The following UTS2 variants were observed in gnomAD, a reference collection of about 807,000 sequenced individuals.
The protein encoded by UTS2 is urotensin-2.
UTS2 carries 10 observed loss-of-function variants against 12.6 expected under a neutral mutation model. The observed-to-expected ratio is 0.80, with a 90% CI of 0.49 to 1.35. The LOEUF is 1.35. UTS2 is among the 40% of genes most tolerant of loss of function. The pLI, the probability that UTS2 is intolerant of heterozygous loss-of-function variation, is 0.00. For missense variants in UTS2, 142 were observed against 143.2 expected, an observed-to-expected ratio of 0.99 and a Z score of 0.04; for synonymous variants, 52 against 50.0, an observed-to-expected ratio of 1.04 and a Z score of -0.17.
the UTS2 span, among the ~76,000 whole-genome samples, chr1:7,907,099 C>CA: frequency 5.3e-5 from 8 of 151,786 alleles, no homozygotes; most frequent in East Asian, 3.9e-4. Flanking sequence ...ACCAAAAATA[C>CA]AAAAAAATTA....
At chr1:7,904,029 A>T in the UTS2 span, among the ~76,000 whole-genome samples, 1 of 152,188 alleles carries the variant, frequency 6.6e-6, no homozygotes, top group Non-Finnish European at 1.5e-5. Flanking sequence ...TTAGAATTTT[A>T]GGGTTTTGTG....
At chr1:7,878,590 A>G in the UTS2 span, among the ~76,000 whole-genome samples, 15 of 152,282 alleles carry the variant, frequency 9.9e-5, no homozygotes, top group African/African-American at 2.9e-4. Flanking sequence ...CCTAAAATGT[A>G]TAGAGCCATG....
upstream of UTS2, among the ~76,000 whole-genome samples, chr1:7,857,111 G>GGAAGGAAGGAAGGAAGGAA (rs1638329258): frequency 6.7e-6 from 1 of 149,440 alleles, no homozygotes; most frequent in South Asian, 2.2e-4. Context: ...AAGGAATGAA[G>GGAAGGAAGGAAGGAAGGAA]GAAGGAAGGA....
chr1:7,849,805 C>A, intron 2 of UTS2, 122 bp from the exon 3 acceptor site: 2 of 832,090 alleles, frequency 2.4e-6, no homozygotes, highest in Non-Finnish European at 3.6e-6. Context: ...CACACTGCAG[C>A]AAGCTTTTCT....
the UTS2 span, among the ~76,000 whole-genome samples, chr1:7,907,013 G>A: frequency 2.0e-5 from 3 of 152,138 alleles, no homozygotes; most frequent in Non-Finnish European, 4.4e-5. Flanking sequence ...CACTTTGGGA[G>A]ACCAAGGGGG....
the UTS2 span, among the ~76,000 whole-genome samples, chr1:7,882,300 ACTC>A: frequency 6.6e-6 from 1 of 152,166 alleles, no homozygotes; most frequent in Non-Finnish European, 1.5e-5. Context: ...GTGCCACTGC[ACTC>A]CAGCCTGGGC....
chr1:7,879,380 T>C, the UTS2 span, among the ~76,000 whole-genome samples: 2 of 152,110 alleles, frequency 1.3e-5, no homozygotes, highest in East Asian at 3.8e-4. Flanking sequence ...CACAAATACA[T>C]GGAAATTAAA....
At chr1:7,862,915 T>C in the UTS2 span, among the ~76,000 whole-genome samples, 1 of 152,154 alleles carries the variant, frequency 6.6e-6, no homozygotes, top group Non-Finnish European at 1.5e-5. Flanking sequence ...CACCTCCTTT[T>C]AGTCTCTCCT....
chr1:7,851,833 G>A (rs529222259), intron 1 of UTS2, among the ~76,000 whole-genome samples: 3 of 152,264 alleles, frequency 2.0e-5, no homozygotes, highest in East Asian at 1.9e-4. Flanking sequence ...CACTTGTTTC[G>A]AATTTGTGTG....
the UTS2 span, among the ~76,000 whole-genome samples, chr1:7,859,514 C>T: frequency 2.0e-5 from 3 of 152,102 alleles, no homozygotes; most frequent in African/African-American, 4.8e-5. Context: ...GAGAGGGCCT[C>T]GAAGCTATCT....
the UTS2 span, among the ~76,000 whole-genome samples, chr1:7,879,690 A>C: frequency 4.9e-3 from 745 of 152,250 alleles, 4 homozygotes; most frequent in South Asian, 7.5e-3. Context: ...TCAGTGAGCC[A>C]AGATTGTGCC....
At chr1:7,878,110 G>A in the UTS2 span, among the ~76,000 whole-genome samples, 1 of 152,222 alleles carries the variant, frequency 6.6e-6, no homozygotes, top group Non-Finnish European at 1.5e-5. Context: ...TACAGGCCAG[G>A]AGAGAATCAG....
chr1:7,851,036 C>A, intron 1 of UTS2, 114 bp from the exon 2 acceptor site: 1 of 970,600 alleles, frequency 1.0e-6, no homozygotes, highest in Non-Finnish European at 1.6e-6. Flanking sequence ...GAAAAACTTC[C>A]AACGCTGAGT....
chr1:7,909,029 G>T, the UTS2 span, among the ~76,000 whole-genome samples: 18 of 152,000 alleles, frequency 1.2e-4, no homozygotes, highest in African/African-American at 4.3e-4. Flanking sequence ...CTGACCTTGT[G>T]ATCTACCCAT....
the UTS2 span, among the ~76,000 whole-genome samples, chr1:7,871,232 G>A: frequency 6.6e-6 from 1 of 152,190 alleles, no homozygotes; most frequent in East Asian, 1.9e-4. Context: ...TGTCTGAGTT[G>A]GTGTTTGTGA....
the UTS2 span, among the ~76,000 whole-genome samples, chr1:7,913,121 G>T: frequency 6.6e-6 from 1 of 151,698 alleles, no homozygotes; most frequent in East Asian, 1.9e-4. Context: ...CACCCTCCAG[G>T]AGGTTGCCTC....
the UTS2 span, among the ~76,000 whole-genome samples, chr1:7,860,097 G>T: frequency 1.3e-5 from 2 of 152,152 alleles, no homozygotes; most frequent in Non-Finnish European, 2.9e-5. Context: ...AACGAACATT[G>T]AGCATGTGCC....
chr1:7,871,038 G>C, the UTS2 span, among the ~76,000 whole-genome samples: 1 of 152,220 alleles, frequency 6.6e-6, no homozygotes, highest in African/African-American at 2.4e-5. Context: ...CACCTAAAAG[G>C]CTAAAAGAAC....
the UTS2 span, among the ~76,000 whole-genome samples, chr1:7,864,795 GCTT>G: frequency 4.8e-4 from 73 of 152,294 alleles, no homozygotes; most frequent in African/African-American, 1.6e-3. Flanking sequence ...AAATCCGTGT[GCTT>G]CTTCTCCTAC....
Sources: allele counts gnomAD v4.1 joint callset (sites outside exome capture counted in the v4.1 genomes callset), GRCh38; gene constraint gnomAD v4.1.1; transcripts MANE v1.5; gene names NCBI Gene and HGNC (gene_info 2026-07-23, HGNC 2026-07-21).